POU6F2: variants seen among roughly 807,000 people sequenced by gnomAD.
The protein encoded by POU6F2 is POU domain, class 6, transcription factor 2.
Under a neutral mutation model 71.3 loss-of-function variants are expected in POU6F2, and 31 were observed. That is an observed-to-expected ratio of 0.43 (90% CI 0.33 to 0.59). POU6F2 has a LOEUF of 0.59. Ranked by LOEUF, POU6F2 falls within the 20% of genes least tolerant of loss-of-function variation. The pLI, the probability that POU6F2 is intolerant of heterozygous loss-of-function variation, is 0.04. For missense variants in POU6F2, 783 were observed against 856.8 expected (o/e 0.91, Z 1.07); for synonymous variants, 347 against 355.7 (o/e 0.98, Z 0.27).
intron 2 of POU6F2, among the ~76,000 whole-genome samples, chr7:39,159,856 GA>G (rs1295060593): frequency 6.6e-6 from 1 of 152,160 alleles, no homozygotes; most frequent in Non-Finnish European, 1.5e-5. Flanking sequence ...TGAGGCCAGA[GA>G]AGAGAAAAAT....
intron 6 of POU6F2, among the ~76,000 whole-genome samples, chr7:39,416,093 TACACACACACACACACACACAC>T (rs57579748): frequency 8.6e-5 from 12 of 139,200 alleles, no homozygotes; most frequent in Admixed American, 1.4e-4. Context: ...CTCGAAGGCA[TACACACACACACACACACACAC>T]ACACACACAC....
chr7:38,985,309 C>A (rs151167718), intron 1 of POU6F2, among the ~76,000 whole-genome samples: 1 of 152,046 alleles, frequency 6.6e-6, no homozygotes, highest in East Asian at 1.9e-4. Flanking sequence ...ATGTAAAATG[C>A]TGCTTAATGG....
chr7:39,112,462 C>A (rs1171338617), intron 2 of POU6F2, among the ~76,000 whole-genome samples: 1 of 152,074 alleles, frequency 6.6e-6, no homozygotes, highest in Non-Finnish European at 1.5e-5. Context: ...ATCACAGATA[C>A]CCTGTTGTCC....
intron 2 of POU6F2, among the ~76,000 whole-genome samples, chr7:39,193,008 T>G (rs1036941891): frequency 6.6e-6 from 1 of 152,118 alleles, no homozygotes; most frequent in Admixed American, 6.5e-5. Context: ...CCGTGGGCAT[T>G]GTGCATCACC....
intron 5 of POU6F2, among the ~76,000 whole-genome samples, chr7:39,370,866 C>T (rs139225241): frequency 1.3e-5 from 2 of 152,312 alleles, no homozygotes; most frequent in Admixed American, 6.5e-5. Context: ...GTAGGCTCAA[C>T]CTGCAGATTT....
intron 1 of POU6F2, among the ~76,000 whole-genome samples, chr7:39,045,373 C>A (rs1013413280): frequency 2.6e-5 from 4 of 151,850 alleles, no homozygotes; most frequent in Non-Finnish European, 5.9e-5. Flanking sequence ...GGAGGGGTTT[C>A]CAGCAAGTTA....
intron 7 of POU6F2, among the ~76,000 whole-genome samples, chr7:39,434,323 A>C (rs1181269785): frequency 6.6e-6 from 1 of 152,118 alleles, no homozygotes; most frequent in Non-Finnish European, 1.5e-5. Context: ...CTCTATAAAC[A>C]ATCTAAAAAG....
chr7:39,434,412 G>C (rs1297150016), intron 7 of POU6F2, among the ~76,000 whole-genome samples: 2 of 152,052 alleles, frequency 1.3e-5, no homozygotes, highest in Admixed American at 1.3e-4. Flanking sequence ...GTAAAGTGGG[G>C]ATACGCCAGT....
chr7:39,162,564 A>G (rs1793018708), intron 2 of POU6F2, among the ~76,000 whole-genome samples: 1 of 152,116 alleles, frequency 6.6e-6, no homozygotes, highest in Admixed American at 6.6e-5. Context: ...AGTCAGATAA[A>G]TCTCCATGAT....
At chr7:39,043,141 T>C (rs1460965353) in intron 1 of POU6F2, among the ~76,000 whole-genome samples, 2 of 151,982 alleles carry the variant, frequency 1.3e-5, no homozygotes, top group Non-Finnish European at 2.9e-5. Flanking sequence ...ATTTATATCA[T>C]AGGAGTACAG....
chr7:39,241,706 C>T (rs556489247), intron 4 of POU6F2, among the ~76,000 whole-genome samples: 136 of 152,134 alleles, frequency 8.9e-4, no homozygotes, highest in Non-Finnish European at 1.4e-3. Context: ...TTTGATTAGG[C>T]CTTATTCTAT....
intron 1 of POU6F2, among the ~76,000 whole-genome samples, chr7:39,082,794 G>GCACACACA (rs35710081): frequency 0.018 from 2,492 of 137,098 alleles, 35 homozygotes; most frequent in South Asian, 0.037. Flanking sequence ...ACCATGTCAT[G>GCACACACA]CACACACACA....
At chr7:39,330,102 A>G (rs962577281) in intron 4 of POU6F2, among the ~76,000 whole-genome samples, 10 of 152,220 alleles carry the variant, frequency 6.6e-5, no homozygotes, top group African/African-American at 2.4e-4. Context: ...CAGGAGAATC[A>G]CATTTAACCG....
intron 6 of POU6F2, among the ~76,000 whole-genome samples, chr7:39,423,315 A>G (rs1311582873): frequency 1.3e-5 from 2 of 152,196 alleles, no homozygotes; most frequent in Non-Finnish European, 2.9e-5. Context: ...TGGTGCCTTA[A>G]GAGAGGATTT....
intron 5 of POU6F2, among the ~76,000 whole-genome samples, chr7:39,367,817 A>G (rs1786533838): frequency 6.6e-6 from 1 of 152,126 alleles, no homozygotes; most frequent in Admixed American, 6.5e-5. Context: ...TTCTTACAAT[A>G]TTACAAGTTT....
At chr7:38,988,729 G>A (rs1472586547) in intron 1 of POU6F2, among the ~76,000 whole-genome samples, 1 of 152,128 alleles carries the variant, frequency 6.6e-6, no homozygotes, top group African/African-American at 2.4e-5. Context: ...GTAGAAAGCT[G>A]AGGCTAAGGA....
intron 2 of POU6F2, among the ~76,000 whole-genome samples, chr7:39,176,896 A>T (rs1384124631): frequency 6.6e-6 from 1 of 152,196 alleles, no homozygotes; most frequent in Admixed American, 6.5e-5. Context: ...AATAAAAGTT[A>T]AGGGGCATAA....
chr7:39,189,637 T>C (rs1037998605), intron 2 of POU6F2, among the ~76,000 whole-genome samples: 2 of 152,174 alleles, frequency 1.3e-5, no homozygotes, highest in Non-Finnish European at 2.9e-5. Context: ...CCTGACCTCA[T>C]GATCTGCCCT....
At chr7:39,410,993 T>G (rs2115914277) in intron 6 of POU6F2, among the ~76,000 whole-genome samples, 1 of 152,324 alleles carries the variant, frequency 6.6e-6, no homozygotes, top group Non-Finnish European at 1.5e-5. Flanking sequence ...GTCCTGAGAA[T>G]GGCATCAGGC....
Sources: gnomAD v4.1 joint callset for allele counts (sites outside exome capture counted in the v4.1 genomes callset) on GRCh38, gnomAD v4.1.1 for gene constraint, MANE v1.5 for transcripts, NCBI Gene and HGNC (gene_info 2026-07-23, HGNC 2026-07-21) for gene names.